The following ACTA2 variants were observed in gnomAD, a reference collection of about 807,000 sequenced individuals.
ACTA2 encodes the protein actin, aortic smooth muscle.
Under a neutral mutation model 39.5 loss-of-function variants are expected in ACTA2, and 12 were observed. That is an observed-to-expected ratio of 0.30 (90% CI 0.19 to 0.49). The LOEUF (loss-of-function observed/expected upper bound fraction) is 0.49. Ranked by LOEUF, ACTA2 falls within the 20% of genes least tolerant of loss-of-function variation. ACTA2 has a pLI of 0.99. For missense variants in ACTA2, 236 were observed against 498.8 expected (o/e 0.47, Z 5.02); for synonymous variants, 158 against 180.6 (o/e 0.88, Z 1.00).
intron 8 of ACTA2, among the ~76,000 whole-genome samples, chr10:88,936,384 T>C (rs1258042952): frequency 1.3e-5 from 2 of 152,200 alleles, no homozygotes; most frequent in Non-Finnish European, 2.9e-5. Context: ...TTTGGATATC[T>C]CCTCCAAATC....
intron 1 of ACTA2, among the ~76,000 whole-genome samples, chr10:88,986,745 AG>A (rs1375951381): frequency 6.6e-6 from 1 of 151,898 alleles, no homozygotes; most frequent in African/African-American, 2.4e-5. Context: ...GAAGTAGTGC[AG>A]GAAGGAAGAA....
chr10:88,989,262 T>C (rs1296796955), intron 1 of ACTA2, among the ~76,000 whole-genome samples: 3 of 152,176 alleles, frequency 2.0e-5, no homozygotes, highest in Non-Finnish European at 4.4e-5. Context: ...TTTCCCCTTT[T>C]TTTCTCTCTT....
At chr10:88,944,091 A>G (rs574332231) in intron 3 of ACTA2, among the ~76,000 whole-genome samples, 184 bp from the exon 4 acceptor site, 30 of 152,298 alleles carry the variant, frequency 2.0e-4, no homozygotes, top group Non-Finnish European at 2.9e-4. Flanking sequence ...TACCTTCCCA[A>G]AGGATTCACA....
intron 1 of ACTA2, among the ~76,000 whole-genome samples, chr10:88,950,045 G>A (rs1846022293): frequency 6.6e-6 from 1 of 152,064 alleles, no homozygotes; most frequent in Non-Finnish European, 1.5e-5. Flanking sequence ...GAAATTGAAG[G>A]CATATTAGAG....
At chr10:88,984,207 T>A (rs765381060) in intron 1 of ACTA2, among the ~76,000 whole-genome samples, 1 of 152,174 alleles carries the variant, frequency 6.6e-6, no homozygotes, top group Non-Finnish European at 1.5e-5. Flanking sequence ...CTGCAAAGTG[T>A]TCTGATATGT....
chr10:88,955,722 G>A (rs1279538319), upstream of ACTA2, among the ~76,000 whole-genome samples: 1 of 152,126 alleles, frequency 6.6e-6, no homozygotes, highest in Non-Finnish European at 1.5e-5. Context: ...GAAGATACAT[G>A]GTATATTAAA....
At chr10:88,982,390 T>A (rs1846731525) in intron 1 of ACTA2, among the ~76,000 whole-genome samples, 1 of 152,218 alleles carries the variant, frequency 6.6e-6, no homozygotes, top group Non-Finnish European at 1.5e-5. Flanking sequence ...AATGGATTAT[T>A]TGGTAAGAGA....
intron 1 of ACTA2, among the ~76,000 whole-genome samples, chr10:88,951,133 G>T (rs1409494486): frequency 6.6e-6 from 1 of 152,000 alleles, no homozygotes; most frequent in African/African-American, 2.4e-5. Flanking sequence ...CTGTGATTTG[G>T]CTTCCCTCAG....
chr10:88,961,246 C>T (rs1048011237), intron 1 of ACTA2, among the ~76,000 whole-genome samples: 11 of 152,146 alleles, frequency 7.2e-5, no homozygotes, highest in Admixed American at 3.3e-4. Flanking sequence ...TTCTAACAAC[C>T]TAGCAACACA....
chr10:88,982,476 T>C (rs188302815), intron 1 of ACTA2, among the ~76,000 whole-genome samples: 1 of 152,162 alleles, frequency 6.6e-6, no homozygotes, highest in African/African-American at 2.4e-5. Context: ...GCAGAATATG[T>C]GGTACAGAAC....
chr10:88,959,807 T>C (rs1274743234), intron 1 of ACTA2, among the ~76,000 whole-genome samples: 1 of 151,882 alleles, frequency 6.6e-6, no homozygotes, highest in Non-Finnish European at 1.5e-5. Context: ...GCTGTGACAG[T>C]TTCTCAGACT....
rs572682409 is a variant in ACTA2 at position 88,964,899 on chromosome 10, T to C, written c.-23-15946A>G. 2.6e-5 allele frequency among the ~76,000 whole-genome samples: 4 copies of C among 152,288 alleles called. No individual in the cohort carries two copies. In the East Asian group the frequency reaches 7.7e-4, roughly 29 times the overall value. On this transcript the variant is annotated intron_variant, in intron 1 of 4. Coordinates refer to the ACTA2 transcript ENST00000415557. Reference sequence around the variant, plus strand: ...CGCCTGTTTTTCCTCTGCCCTCCTGTTTGCTGCTCCTTTGCAACTTTCACT... The same window carrying C: ...CGCCTGTTTTTCCTCTGCCCTCCTGCTTGCTGCTCCTTTGCAACTTTCACT...
chr10:88,935,430 A>G, intron 8 of ACTA2, 64 bp from the exon 9 acceptor site: 2 of 1,580,248 alleles, frequency 1.3e-6, no homozygotes, highest in African/African-American at 1.3e-5. Flanking sequence ...TTAGTGCGGT[A>G]GGACAGAGCC....
chr10:88,947,215 A>T (rs1411704480), intron 3 of ACTA2, 43 bp downstream of exon 3: 1 of 1,613,196 alleles, frequency 6.2e-7, no homozygotes, highest in Admixed American at 1.7e-5. Context: ...GAACACAGGG[A>T]TTATGCATCC....
At position 88,948,986 on chromosome 10, in the gene ACTA2, G is replaced by A. The variant is rs1846003405; in HGVS notation, c.-23-33C>T. On this transcript the variant is annotated intron_variant, in intron 1 of 8. Coordinates refer to ENST00000224784, the MANE Select transcript of ACTA2 (RefSeq NM_001613.4). ...AAACAGGGAGGAAGCAGCCTCAGCT[G>A]TAATTGGGCATTTGTGGCACTTACC... 3 of 1,610,416 alleles carry A rather than the reference G, an allele frequency of 1.9e-6. No individual in the cohort carries two copies. The Admixed American group carries it at 5.0e-5, about 27-fold the overall frequency.
At chr10:88,978,901 T>C (rs1307119258) in intron 1 of ACTA2, among the ~76,000 whole-genome samples, 1 of 151,372 alleles carries the variant, frequency 6.6e-6, no homozygotes, top group Non-Finnish European at 1.5e-5. Flanking sequence ...ATTATTATTA[T>C]TATATTATTA....
intron 2 of ACTA2, chr10:88,948,592 C>T: frequency 1.0e-5 from 6 of 592,068 alleles, no homozygotes; most frequent in South Asian, 7.6e-5. Flanking sequence ...GAAAAAGGGG[C>T]AGACTTTGTA....
At chr10:88,970,956 T>C (rs1471585002) in intron 1 of ACTA2, among the ~76,000 whole-genome samples, 1 of 152,134 alleles carries the variant, frequency 6.6e-6, no homozygotes, top group Admixed American at 6.5e-5. Context: ...ACAAAAATAA[T>C]GTCTGAACTC....
At chr10:88,942,107 C>G (rs1267321574) in intron 4 of ACTA2, among the ~76,000 whole-genome samples, 1 of 152,122 alleles carries the variant, frequency 6.6e-6, no homozygotes, top group African/African-American at 2.4e-5. Flanking sequence ...AGTGTGCACA[C>G]AAGGTTTGGC....
Sources: gnomAD v4.1 joint callset for allele counts (sites outside exome capture counted in the v4.1 genomes callset) on GRCh38, gnomAD v4.1.1 for gene constraint, MANE v1.5 for transcripts, NCBI Gene and HGNC (gene_info 2026-07-23, HGNC 2026-07-21) for gene names.